The following TGFBRAP1 variants were observed in gnomAD, a reference collection of about 807,000 sequenced individuals.
TGFBRAP1 encodes the protein transforming growth factor beta receptor associated protein 1, also known as transforming growth factor-beta receptor-associated protein 1.
Under a neutral mutation model 83.2 loss-of-function variants are expected in TGFBRAP1, and 20 were observed. The observed-to-expected ratio is 0.24, with a 90% CI of 0.17 to 0.35. The LOEUF (loss-of-function observed/expected upper bound fraction) is 0.35, where lower values mean the gene tolerates loss of function less well. TGFBRAP1 is among the 10% of genes least tolerant of loss of function. The pLI, the probability that TGFBRAP1 is intolerant of heterozygous loss-of-function variation, is 1.00. For missense variants in TGFBRAP1, 950 were observed against 1,099.4 expected (o/e 0.86, Z 1.92); for synonymous variants, 415 against 459.8 (o/e 0.90, Z 1.25).
chr2:105,280,967 A>G (rs973145390), intron 5 of TGFBRAP1, among the ~76,000 whole-genome samples: 1 of 152,166 alleles, frequency 6.6e-6, no homozygotes, highest in African/African-American at 2.4e-5. Flanking sequence ...CACATACAGA[A>G]CTGGTGTGAG....
intron 2 of TGFBRAP1, among the ~76,000 whole-genome samples, chr2:105,305,643 CTTTTTA>C (rs1307960805): frequency 6.6e-6 from 1 of 152,064 alleles, no homozygotes; most frequent in African/African-American, 2.4e-5. Context: ...ACCTCAAATC[CTTTTTA>C]TTTTTATTAA....
rs1177329674 is a variant in TGFBRAP1 at position 105,316,462 on chromosome 2, T to TGTGTGTGC, written c.-17-8145_-17-8144insGCACACAC. On this transcript the variant is annotated intron_variant, in intron 1 of 11. Transcript: ENST00000393359. ...GTGTGTGTGTGTGTGTGTGTGTGTGTGCGCGCGCGCGCGCGCGCACGCGCA... is the reference window on the plus strand; with the variant it reads ...GTGTGTGTGTGTGTGTGTGTGTGTGTGTGTGTGCGCGCGCGCGCGCGCGCGCACGCGCA... Among the ~76,000 whole-genome samples, 472 of 84,726 alleles carry TGTGTGTGC rather than the reference T, an allele frequency of 5.6e-3. 5 individuals carry two copies. The highest frequency in any genetic ancestry group is 0.011 in the Middle Eastern group (2 of 178). The allele number at this position is 84,726 out of a possible 152,430, so 55.6% of individuals were successfully genotyped here. A position where few individuals can be genotyped will look rare whatever the true frequency, so the allele number is the denominator to read the frequency against.
At chr2:105,281,625 A>C (rs908218462) in intron 5 of TGFBRAP1, among the ~76,000 whole-genome samples, 6 of 152,070 alleles carry the variant, frequency 3.9e-5, no homozygotes, top group Admixed American at 1.3e-4. Flanking sequence ...ATAAATTTCA[A>C]ATCTCTTAGT....
At chr2:105,261,143 G>A (rs1404741066), downstream of TGFBRAP1, among the ~76,000 whole-genome samples, 1 of 152,214 alleles carries the variant, frequency 6.6e-6, no homozygotes, top group Admixed American at 6.5e-5. Context: ...TTACCATAAT[G>A]TGCTGGCTGC....
chr2:105,273,806 A>T, intron 8 of TGFBRAP1, 116 bp from the exon 9 acceptor site: 2 of 1,282,844 alleles, frequency 1.6e-6, no homozygotes, highest in Non-Finnish European at 2.1e-6. Context: ...AAATATGATT[A>T]AATTATTATG....
intron 2 of TGFBRAP1, among the ~76,000 whole-genome samples, chr2:105,303,168 G>A (rs1368395814): frequency 1.3e-5 from 2 of 152,194 alleles, no homozygotes; most frequent in Non-Finnish European, 2.9e-5. Context: ...AGTAGTGCAC[G>A]CCTATAGTCC....
At chr2:105,280,234 C>G (rs1677488120) in intron 6 of TGFBRAP1, 148 bp downstream of exon 6, 1 of 773,348 alleles carries the variant, frequency 1.3e-6, no homozygotes, top group African/African-American at 1.8e-5. Flanking sequence ...CATCTGCTGT[C>G]ACTATGATTT....
rs763841497 is a variant in TGFBRAP1, at chr2:105,323,706, A to G, written c.-18+5919T>C. ...AAATGAGTGAAATGAGATGTCAACAAAAGTCCCTACTAGAAAACAAACTGC... is the reference window on the plus strand; with the variant it reads ...AAATGAGTGAAATGAGATGTCAACAGAAGTCCCTACTAGAAAACAAACTGC... On this transcript the variant is annotated intron_variant, in intron 1 of 11. Transcript: ENST00000393359. Among the ~76,000 whole-genome samples the G allele has an allele frequency of 7.2e-5, 11 of 152,258 alleles. No homozygotes were observed. The East Asian group carries it at 7.8e-4, about 11-fold the overall frequency.
chr2:105,278,079 T>C (rs1288463364), intron 6 of TGFBRAP1, among the ~76,000 whole-genome samples: 2 of 65,246 alleles, frequency 3.1e-5, no homozygotes, highest in African/African-American at 8.8e-5. Flanking sequence ...TGTGTGTGTG[T>C]GTGTGTGTGT....
At chr2:105,301,055 T>A (rs1678273214) in intron 2 of TGFBRAP1, among the ~76,000 whole-genome samples, 1 of 150,956 alleles carries the variant, frequency 6.6e-6, no homozygotes, top group Non-Finnish European at 1.5e-5. Context: ...GAAACCCGGT[T>A]GCTACAAAAA....
chr2:105,262,474 G>A (rs554145064), downstream of TGFBRAP1, among the ~76,000 whole-genome samples: 16 of 152,264 alleles, frequency 1.1e-4, no homozygotes, highest in South Asian at 1.2e-3. Context: ...CCAGCACCAC[G>A]CTTCCTGTAC....
intron 1 of TGFBRAP1, among the ~76,000 whole-genome samples, chr2:105,312,190 T>C (rs1678716621): frequency 6.6e-6 from 1 of 152,112 alleles, no homozygotes; most frequent in Non-Finnish European, 1.5e-5. Flanking sequence ...AGAACTTCAC[T>C]TTAAGGCTTA....
intron 2 of TGFBRAP1, among the ~76,000 whole-genome samples, chr2:105,303,136 A>AAC (rs1250076656): frequency 6.6e-6 from 1 of 152,224 alleles, no homozygotes; most frequent in East Asian, 1.9e-4. Flanking sequence ...TATCTTTACA[A>AAC]ACATATACTT....
chr2:105,318,690 G>A (rs1678961017), intron 1 of TGFBRAP1, among the ~76,000 whole-genome samples: 1 of 152,116 alleles, frequency 6.6e-6, no homozygotes, highest in Admixed American at 6.5e-5. Context: ...CATATTTAAT[G>A]GCCATTTCTC....
chr2:105,270,895 A>C (rs1677132106), intron 10 of TGFBRAP1, among the ~76,000 whole-genome samples: 1 of 152,204 alleles, frequency 6.6e-6, no homozygotes, highest in African/African-American at 2.4e-5. Context: ...AGCCACCCCG[A>C]GTGGATAGGT....
In TGFBRAP1 at chr2:105,267,287, T is replaced by C. The variant is rs1676975229; in HGVS notation, c.*96A>G. On this transcript the variant is annotated 3_prime_UTR_variant, in exon 12 of 12. Coordinates refer to ENST00000393359, the MANE Select transcript of TGFBRAP1 (RefSeq NM_004257.6). ...CCTGGCACCCAGATGTCTCCCTTCG[T>C]CCTGGCTGACACAGAGCATGGTGGT... The C allele has an allele frequency of 1.3e-6, 2 of 1,510,988 alleles. No individual in the cohort carries two copies. Among genetic ancestry groups the C allele is most frequent in the South Asian group, 1.3e-5 (1 of 76,580 alleles). 93.6% of individuals were successfully genotyped at this position (1,510,988 alleles called of 1,614,324 possible). A position where few individuals can be genotyped will look rare whatever the true frequency, so the allele number is the denominator to read the frequency against.
chr2:105,322,538 T>C (rs995053134), intron 1 of TGFBRAP1, among the ~76,000 whole-genome samples: 2 of 152,190 alleles, frequency 1.3e-5, no homozygotes, highest in Admixed American at 6.5e-5. Flanking sequence ...TAGTATTTTA[T>C]ACAGTATTTC....
chr2:105,316,462 T>TGTGTGTGTGAGTGCGC (rs1177329674), intron 1 of TGFBRAP1, among the ~76,000 whole-genome samples: 1 of 84,816 alleles, frequency 1.2e-5, no homozygotes, highest in African/African-American at 5.4e-5. Context: ...TGTGTGTGTG[T>TGTGTGTGTGAGTGCGC]GCGCGCGCGC....
intron 1 of TGFBRAP1, among the ~76,000 whole-genome samples, chr2:105,328,533 G>C (rs75192400): frequency 6.6e-6 from 1 of 152,188 alleles, no homozygotes; most frequent in African/African-American, 2.4e-5. Flanking sequence ...TCCACCATGA[G>C]AGAGTAGCAG....
Sources: gnomAD v4.1 joint callset for allele counts (sites outside exome capture counted in the v4.1 genomes callset) on GRCh38, gnomAD v4.1.1 for gene constraint, MANE v1.5 for transcripts, NCBI Gene and HGNC (gene_info 2026-07-23, HGNC 2026-07-21) for gene names.